The following FYB1 variants were observed in gnomAD, a reference collection of about 807,000 sequenced individuals.
FYB1 encodes FYN-binding protein 1.
FYB1 carries 41 observed loss-of-function variants against 94.1 expected under a neutral mutation model. The ratio of observed to expected loss-of-function variants is 0.44; its 90% CI spans 0.34 to 0.57. FYB1 has a LOEUF of 0.57. FYB1 is among the 20% of genes least tolerant of loss of function. FYB1 has a pLI of 0.02. For missense variants in FYB1, 1,050 were observed against 976.8 expected (o/e 1.07, Z -1.00); for synonymous variants, 367 against 353.2 (o/e 1.04, Z -0.44).
At chr5:39,231,957 A>C (rs192286523) in intron 1 of FYB1, among the ~76,000 whole-genome samples, 5 of 152,308 alleles carry the variant, frequency 3.3e-5, no homozygotes, top group Admixed American at 2.0e-4. Context: ...AGAGACTTAA[A>C]AAAAAGTGAC....
chr5:39,136,186 C>T (rs907199411), intron 7 of FYB1, among the ~76,000 whole-genome samples: 2 of 152,078 alleles, frequency 1.3e-5, no homozygotes, highest in African/African-American at 4.8e-5. Context: ...TCTCCTGCCT[C>T]AGCCTCCCAA....
chr5:39,202,917 G>A lies in FYB1; in HGVS notation c.44C>T (p.Ser15Leu), dbSNP rs1235841560. ...NTGGNPTEDV[S>L]VNSRPFRVTG... ...GACTCTGAAGGGTCGGCTATTGACT[G>A]AGACATCCTCTGTCGGGTTGCCCCC... Residue 15 changes from serine to leucine, a missense_variant, in exon 2 of 19, where the codon TCA becomes TTA. Ser to Leu is a moderately radical substitution (Grantham distance 145). Transcript: ENST00000512982. The A allele has an allele frequency of 6.2e-7, 1 of 1,613,994 alleles. No individual in the cohort carries two copies. Among genetic ancestry groups the A allele is most frequent in the East Asian group, 2.2e-5 (1 of 44,886 alleles).
chr5:39,122,550 G>A, intron 13 of FYB1, 148 bp from the exon 14 acceptor site: 1 of 563,154 alleles, frequency 1.8e-6, no homozygotes, highest in Non-Finnish European at 3.2e-6. Context: ...TGGAAGCATT[G>A]TCTGCTTCTG....
chr5:39,211,034 T>G (rs879628905), intron 1 of FYB1: 1 of 152,200 alleles, frequency 6.6e-6, no homozygotes, highest in African/African-American at 2.4e-5. Context: ...TATTTTACAA[T>G]TTTTTATAGC....
intron 9 of FYB1, among the ~76,000 whole-genome samples, chr5:39,133,673 A>T (rs1353500924): frequency 6.6e-6 from 1 of 152,134 alleles, no homozygotes; most frequent in Non-Finnish European, 1.5e-5. Flanking sequence ...AGTGAAGGTC[A>T]TTTTAATCTA....
intron 2 of FYB1, among the ~76,000 whole-genome samples, chr5:39,166,190 A>G (rs1034607731): frequency 6.6e-6 from 1 of 152,224 alleles, no homozygotes; most frequent in African/African-American, 2.4e-5. Context: ...TAATCCCAGC[A>G]CTTTGGGAGG....
intron 1 of FYB1, among the ~76,000 whole-genome samples, chr5:39,215,882 T>C (rs1187075475): frequency 6.6e-6 from 1 of 152,118 alleles, no homozygotes; most frequent in African/African-American, 2.4e-5. Context: ...TAATTAAGGA[T>C]CATGCAACGG....
intron 2 of FYB1, among the ~76,000 whole-genome samples, chr5:39,192,795 T>C (rs745710095): frequency 6.6e-6 from 1 of 152,198 alleles, no homozygotes; most frequent in South Asian, 2.1e-4. Flanking sequence ...GCAGAAAGAA[T>C]CTTGAAGGTC....
At chr5:39,271,248 A>G (rs1222278522) in intron 1 of FYB1, among the ~76,000 whole-genome samples, 2 of 152,174 alleles carry the variant, frequency 1.3e-5, no homozygotes, top group African/African-American at 4.8e-5. Context: ...CTAAAAAAAA[A>G]GTACAGCTCA....
At chr5:39,161,190 G>T (rs1744217913) in intron 2 of FYB1, among the ~76,000 whole-genome samples, 1 of 151,884 alleles carries the variant, frequency 6.6e-6, no homozygotes, top group African/African-American at 2.4e-5. Context: ...TTCTGAGGTG[G>T]GTCTCCACTG....
chr5:39,188,147 C>T (rs1275019358), intron 2 of FYB1, among the ~76,000 whole-genome samples: 1 of 152,102 alleles, frequency 6.6e-6, no homozygotes, highest in Non-Finnish European at 1.5e-5. Flanking sequence ...CTCAGGAACC[C>T]TTGGACCTCT....
intron 1 of FYB1, chr5:39,213,048 A>C (rs999661532): frequency 6.6e-6 from 1 of 151,730 alleles, no homozygotes; most frequent in African/African-American, 2.4e-5. Flanking sequence ...CCAACTCTAC[A>C]TATACTCATA....
chr5:39,240,791 A>C (rs1027746669), intron 1 of FYB1, among the ~76,000 whole-genome samples: 1 of 152,224 alleles, frequency 6.6e-6, no homozygotes, highest in South Asian at 2.1e-4. Flanking sequence ...AAACAGAAGT[A>C]TCATTCGATT....
chr5:39,268,822 C>T (rs1023390132), intron 1 of FYB1, among the ~76,000 whole-genome samples: 6 of 152,174 alleles, frequency 3.9e-5, no homozygotes, highest in African/African-American at 1.4e-4. Flanking sequence ...GCCTCGGCCT[C>T]CCAAAGTGCT....
At chr5:39,185,375 G>C (rs1233282600) in intron 2 of FYB1, among the ~76,000 whole-genome samples, 2 of 151,636 alleles carry the variant, frequency 1.3e-5, no homozygotes, top group African/African-American at 4.8e-5. Flanking sequence ...TTGATGCTTT[G>C]TAGCAGTTAA....
chr5:39,198,163 G>A (rs1211539801), intron 2 of FYB1, among the ~76,000 whole-genome samples: 2 of 152,190 alleles, frequency 1.3e-5, no homozygotes, highest in Admixed American at 6.5e-5. Context: ...ATTATAATGT[G>A]CTGGCGAAGT....
At chr5:39,228,319 G>A (rs1317179567) in intron 1 of FYB1, among the ~76,000 whole-genome samples, 5 of 152,086 alleles carry the variant, frequency 3.3e-5, no homozygotes, top group African/African-American at 9.7e-5. Context: ...TATTCTTTTC[G>A]TATTAGAAAG....
intron 9 of FYB1, among the ~76,000 whole-genome samples, chr5:39,133,059 T>C (rs1252281637): frequency 1.3e-5 from 2 of 152,246 alleles, no homozygotes; most frequent in African/African-American, 4.8e-5. Flanking sequence ...TAATTCATTT[T>C]AGAAAGACAA....
intron 1 of FYB1, among the ~76,000 whole-genome samples, chr5:39,261,686 G>A (rs1421929080): frequency 6.6e-6 from 1 of 152,164 alleles, no homozygotes; most frequent in Non-Finnish European, 1.5e-5. Flanking sequence ...GGCGGAGATT[G>A]CAGTGAGCAG....
Sources: allele counts gnomAD v4.1 joint callset (sites outside exome capture counted in the v4.1 genomes callset), GRCh38; gene constraint gnomAD v4.1.1; transcripts MANE v1.5; gene names NCBI Gene and HGNC (gene_info 2026-07-23, HGNC 2026-07-21).